RASA3: variants seen among roughly 807,000 people sequenced by gnomAD.
RASA3 encodes the protein ras GTPase-activating protein 3.
Under a neutral mutation model 110.0 loss-of-function variants are expected in RASA3, and 73 were observed. That is an observed-to-expected ratio of 0.66 (90% confidence interval 0.55 to 0.81). RASA3 has a LOEUF of 0.81. RASA3 is among the 30% of genes least tolerant of loss of function. RASA3 has a pLI of 0.00. For synonymous variants in RASA3, 500 were observed against 451.4 expected (o/e 1.11, Z -1.37); for missense variants, 976 against 1,113.2 (o/e 0.88, Z 1.75).
At chr13:114,023,703 T>A (rs1197182047) in intron 8 of RASA3, among the ~76,000 whole-genome samples, 5 of 152,138 alleles carry the variant, frequency 3.3e-5, no homozygotes, top group Non-Finnish European at 7.4e-5. Flanking sequence ...TTTCCCCGTT[T>A]CCCGTGGGAG....
In RASA3 at chr13:114,018,160, A is replaced by G. The variant is rs1450279299; in HGVS notation, c.1035T>C (p.Tyr345=). Residue 345 remains tyrosine (Y), a synonymous_variant, in exon 11 of 24, where the codon TAT becomes TAC. Coordinates refer to ENST00000334062, the MANE Select transcript of RASA3 (RefSeq NM_007368.4). The stretch of plus-strand genomic sequence containing the variant: ...CACTGATGAATGGCACCACCCTGCC[A>G]TAGTGTAGGAAGAGCCGCACCAGCG... ...AVPLVRLFLH[Y]GRVVPFISAI... 2 of 1,550,678 alleles carry G rather than the reference A, an allele frequency of 1.3e-6. No individual in the cohort carries two copies. The highest frequency in any genetic ancestry group is 1.7e-6 in the Non-Finnish European group (2 of 1,147,122).
intron 18 of RASA3, among the ~76,000 whole-genome samples, chr13:114,002,062 G>A (rs980982324): frequency 6.6e-6 from 1 of 152,232 alleles, no homozygotes; most frequent in Non-Finnish European, 1.5e-5. Context: ...CTTCATTGCC[G>A]GGCAGGGGTC....
rs1052185961 is a variant in RASA3, at chr13:114,048,671, G to C, written c.277+3381C>G. On this transcript the variant is annotated intron_variant, in intron 3 of 23. Coordinates refer to ENST00000334062, the MANE Select transcript of RASA3 (RefSeq NM_007368.4). The surrounding 1 kb of genome is among the most constrained non-coding windows in gnomAD (Gnocchi z 4.3). ...TGCGCCTGGAATCCCGAAGGAGCCTGCGCCCCGTGTGTCCCGCAGGTCACG... is the reference window on the plus strand; with the variant it reads ...TGCGCCTGGAATCCCGAAGGAGCCTCCGCCCCGTGTGTCCCGCAGGTCACG... Among the ~76,000 whole-genome samples, 2 of 152,248 alleles carry C rather than the reference G, an allele frequency of 1.3e-5. No homozygotes were observed. Among genetic ancestry groups the C allele is most frequent in the African/African-American group, 2.4e-5 (1 of 41,454 alleles).
rs373985835 is a variant in RASA3, at chr13:114,056,296, C to T, written c.174-4141G>A. Among the ~76,000 whole-genome samples the T allele has an allele frequency of 5.9e-5, 9 of 152,248 alleles. No homozygotes were observed. The East Asian group carries it at 1.5e-3, about 26-fold the overall frequency. On this transcript the variant is annotated intron_variant, in intron 2 of 23. Transcript: ENST00000334062. This position sits in a 1 kb window ranked among gnomAD's most constrained non-coding sequence, Gnocchi z 5.7. ...GTCTGATGCATATTTGGTGCGTGTC[C>T]GGTGCGTGGTGAGGGGCGGTGAGAT...
chr13:114,125,565 C>T (rs1229363620), intron 1 of RASA3, among the ~76,000 whole-genome samples: 11 of 152,198 alleles, frequency 7.2e-5, no homozygotes, highest in Non-Finnish European at 1.6e-4. Flanking sequence ...CGCTTCCCAC[C>T]AGGCCCCACT....
chr13:114,072,939 C>T (rs1482661905), intron 2 of RASA3, among the ~76,000 whole-genome samples: 1 of 137,098 alleles, frequency 7.3e-6, no homozygotes, highest in Admixed American at 6.9e-5. Flanking sequence ...ATTCTCTACA[C>T]ATGGGAAAAT....
At position 114,015,383 on chromosome 13, in the gene RASA3, C is replaced by G. The variant is rs771567387; in HGVS notation, c.1282-51G>C. 7.5e-6 allele frequency: 12 copies of G among 1,601,452 alleles called. No individual in the cohort carries two copies. The South Asian group carries it at 1.2e-4, about 16-fold the overall frequency. On this transcript the variant is annotated intron_variant, in intron 13 of 23. Transcript: ENST00000334062. ...CCACTCCCGAGGCTGCCCACAGGTGCGTGTAGCACCAGGGCACGCCCAGGG... is the reference window on the plus strand; with the variant it reads ...CCACTCCCGAGGCTGCCCACAGGTGGGTGTAGCACCAGGGCACGCCCAGGG...
At chr13:114,070,418 C>A (rs939667757) in intron 2 of RASA3, among the ~76,000 whole-genome samples, 8 of 152,108 alleles carry the variant, frequency 5.3e-5, no homozygotes, top group African/African-American at 1.9e-4. Context: ...CGATGGAGGG[C>A]TTCCGACCAC....
chr13:113,990,678 GGTGGTGGCCCATGA>G (rs1219094347), intron 22 of RASA3, among the ~76,000 whole-genome samples: 2 of 152,232 alleles, frequency 1.3e-5, no homozygotes, highest in Admixed American at 6.5e-5. Flanking sequence ...CGCTGTGGTG[GGTGGTGGCCCATGA>G]GTGTGTACAT....
At chr13:114,015,401 G>A (rs2053767748) in intron 13 of RASA3, 69 bp from the exon 14 acceptor site, 4 of 1,585,542 alleles carry the variant, frequency 2.5e-6, no homozygotes, top group African/African-American at 1.3e-5. Flanking sequence ...ACCAGGGCAC[G>A]CCCAGGGAGG....
intron 4 of RASA3, among the ~76,000 whole-genome samples, chr13:114,038,561 C>T (rs1372307468): frequency 3.9e-5 from 6 of 152,256 alleles, no homozygotes; most frequent in African/African-American, 1.4e-4. Flanking sequence ...CCGTCAAGGG[C>T]CTCACCCCAC....
At chr13:113,990,690 T>C (rs2053087701) in intron 22 of RASA3, among the ~76,000 whole-genome samples, 2 of 152,174 alleles carry the variant, frequency 1.3e-5, no homozygotes, top group Admixed American at 6.5e-5. Flanking sequence ...TGGTGGCCCA[T>C]GAGTGTGTAC....
intron 1 of RASA3, among the ~76,000 whole-genome samples, chr13:114,130,624 ACT>A (rs928683082): frequency 1.3e-4 from 20 of 151,732 alleles, no homozygotes; most frequent in African/African-American, 4.6e-4. Flanking sequence ...CTGGTCTGAG[ACT>A]CTGGTCTTCC....
Position 113,999,657 on chromosome 13 carries a change from A to G in RASA3, c.1860T>C (p.Pro620=). The G allele has an allele frequency of 6.2e-7, 1 of 1,612,206 alleles. No individual in the cohort carries two copies. Among genetic ancestry groups the G allele is most frequent in the South Asian group, 1.1e-5 (1 of 90,940 alleles). ...FTYHKSKGDQ[P]LYSIPIENIL... is the part of the protein sequence containing the mutation. ...TGTTCTCGATGGGAATGCTGTAGAG[A>G]GGCTGGTCCCCTGCAGCAGAGATGG... is the stretch of plus-strand genomic sequence containing the variant. The change falls in exon 20 of 24, where the codon CCT becomes CCC. Residue 620 remains proline, a synonymous_variant. Coordinates refer to ENST00000334062, the MANE Select transcript of RASA3 (RefSeq NM_007368.4).
At chr13:114,117,255 T>G (rs544210997) in intron 1 of RASA3, among the ~76,000 whole-genome samples, 1 of 80,618 alleles carries the variant, frequency 1.2e-5, no homozygotes, top group African/African-American at 4.0e-5. Context: ...TGCACGTGTG[T>G]GAGGGATGCA....
At chr13:114,010,382 C>G (rs531807737) in intron 16 of RASA3, among the ~76,000 whole-genome samples, 5 of 152,042 alleles carry the variant, frequency 3.3e-5, no homozygotes, top group Non-Finnish European at 7.4e-5. Context: ...CCTGCAGAGA[C>G]AGCCTTGGGC....
In RASA3 at chr13:114,112,938, T is replaced by G. The variant is rs1594469661; in HGVS notation, c.55+19497A>C. ...GCTTAGCTCAGGGAGGGCTGGAGGG[T>G]GGGACTAGGAGGCACTAAAGGCCTG... On this transcript the variant is annotated intron_variant, in intron 1 of 23. Coordinates refer to ENST00000334062, the MANE Select transcript of RASA3 (RefSeq NM_007368.4). This position sits in a 1 kb window ranked among gnomAD's most constrained non-coding sequence, Gnocchi z 4.8. Among the ~76,000 whole-genome samples, 1 of 151,310 alleles carries G rather than the reference T, an allele frequency of 6.6e-6. No individual in the cohort carries two copies. The highest frequency in any genetic ancestry group is 1.9e-4 in the East Asian group (1 of 5,130).
Position 114,040,986 on chromosome 13 carries a change from G to T in RASA3, c.372+14C>A. 1 of 1,612,634 alleles carries T rather than the reference G, an allele frequency of 6.2e-7. No individual in the cohort carries two copies. Among genetic ancestry groups the T allele is most frequent in the Non-Finnish European group, 8.5e-7 (1 of 1,179,702 alleles). ...CCAGGGCTCTGGTTTCCGGGGCTGC[G>T]CCGAGAGTCTCACCTGCACTTCCGA... On this transcript the variant is annotated intron_variant, in intron 4 of 23. Transcript: ENST00000334062.
chr13:113,990,563 G>A (rs1377876871), intron 22 of RASA3, among the ~76,000 whole-genome samples: 1 of 152,252 alleles, frequency 6.6e-6, no homozygotes, highest in African/African-American at 2.4e-5. Flanking sequence ...GCTGGCTGAT[G>A]CCAGACCCAC....
Sources: gnomAD v4.1 joint callset for allele counts (sites outside exome capture counted in the v4.1 genomes callset) on GRCh38, gnomAD v4.1.1 for gene constraint, Gnocchi (gnomAD v3.1) non-coding constraint, MANE v1.5 for transcripts, NCBI Gene and HGNC (gene_info 2026-07-23, HGNC 2026-07-21) for gene names.